The following CWH43 variants were observed in gnomAD, a reference collection of about 807,000 sequenced individuals.
CWH43 encodes the protein cell wall biogenesis 43 C-terminal homolog, also known as PGAP2-interacting protein.
A neutral mutation model predicts 85.7 loss-of-function variants in CWH43; 91 were observed. The observed-to-expected ratio is 1.06, with a 90% confidence interval of 0.90 to 1.26. The LOEUF is 1.26. CWH43 is among the 50% of genes most tolerant of loss of function. The pLI, the probability that CWH43 is intolerant of heterozygous loss-of-function variation, is 0.00. For missense variants in CWH43, 869 were observed against 839.2 expected, an observed-to-expected ratio of 1.04 and a Z score of -0.44; for synonymous variants, 323 against 293.6, an observed-to-expected ratio of 1.10 and a Z score of -1.02.
chr4:48,991,866 T>C, intron 3 of CWH43, 70 bp from the exon 4 acceptor site: 1 of 1,341,186 alleles, frequency 7.5e-7, no homozygotes, highest in Non-Finnish European at 1.0e-6. Flanking sequence ...TCTATGAAAC[T>C]GAAATTCATG....
At chr4:48,998,135 T>C (rs1782872588) in intron 5 of CWH43, among the ~76,000 whole-genome samples, 1 of 152,210 alleles carries the variant, frequency 6.6e-6, no homozygotes, top group African/African-American at 2.4e-5. Flanking sequence ...ACCATTCCAA[T>C]GACCTTTGCT....
At position 49,007,264 on chromosome 4, in the gene CWH43, T is replaced by C; in HGVS notation, c.1124T>C (p.Leu375Pro). ...GGTCCTAAGAAAAACCTTGACTTGCTTCTTCAAACAAAAAACAGTTCTAAA... is the reference window on the plus strand; with the variant it reads ...GGTCCTAAGAAAAACCTTGACTTGCCTCTTCAAACAAAAAACAGTTCTAAA... ...LFGPKKNLDLLLQTKNSSKVL... is the reference protein window; with the variant it reads ...LFGPKKNLDLPLQTKNSSKVL... Residue 375 changes from leucine to proline, a missense_variant, in exon 8 of 16, where the codon CTT becomes CCT. Coordinates refer to ENST00000226432, the MANE Select transcript of CWH43 (RefSeq NM_025087.3). 1 of 1,612,004 alleles carries C rather than the reference T, an allele frequency of 6.2e-7. No homozygotes were observed. Among genetic ancestry groups the C allele is most frequent in the Non-Finnish European group, 8.5e-7 (1 of 1,179,024 alleles).
At chr4:49,027,327 G>C (rs1783948149) in intron 9 of CWH43, among the ~76,000 whole-genome samples, 1 of 152,318 alleles carries the variant, frequency 6.6e-6, no homozygotes, top group South Asian at 2.1e-4. Context: ...TATGTTTTTG[G>C]TTTGAGCAAC....
intron 4 of CWH43, among the ~76,000 whole-genome samples, chr4:48,993,896 A>G (rs954140215): frequency 1.3e-5 from 2 of 151,132 alleles, no homozygotes; most frequent in African/African-American, 4.9e-5. Context: ...CTGGGATTAC[A>G]GGCGTCTGCC....
chr4:49,039,156 C>A (rs1784358643), intron 13 of CWH43, among the ~76,000 whole-genome samples: 2 of 140,290 alleles, frequency 1.4e-5, no homozygotes, highest in African/African-American at 5.2e-5. Flanking sequence ...AAATGCCACA[C>A]AGAGAGAATG....
chr4:49,051,829 T>C (rs1402785967), intron 15 of CWH43, among the ~76,000 whole-genome samples: 2 of 152,126 alleles, frequency 1.3e-5, no homozygotes, highest in African/African-American at 4.8e-5. Context: ...CACCTGCCTC[T>C]GCCTCCCAAA....
chr4:49,018,330 G>A (rs1783626751), intron 9 of CWH43, among the ~76,000 whole-genome samples: 1 of 152,026 alleles, frequency 6.6e-6, no homozygotes, highest in South Asian at 2.1e-4. Context: ...CAACACTAGA[G>A]GTTAAAATTC....
rs1270662255 is a variant in CWH43 at position 48,991,470 on chromosome 4, C to T, written c.252C>T (p.Phe84=). 1 of 1,614,084 alleles carries T rather than the reference C, an allele frequency of 6.2e-7. No individual in the cohort carries two copies. Among genetic ancestry groups the T allele is most frequent in the Admixed American group, 1.7e-5 (1 of 60,016 alleles). The stretch of plus-strand genomic sequence containing the variant: ...TGTTTGTAGGCAGCATAGCCTCCTT[C>T]CAGGCTCCAAATGCCAAACTTCGAC... The part of the protein sequence containing the change: ...RIITIGSIAS[F]QAPNAKLRLM... The change falls in exon 3 of 16, where the codon TTC becomes TTT. Residue 84 remains phenylalanine (F), a synonymous_variant. Coordinates refer to ENST00000226432, the MANE Select transcript of CWH43 (RefSeq NM_025087.3).
At chr4:49,056,427 T>C (rs1328033435) in intron 15 of CWH43, among the ~76,000 whole-genome samples, 2 of 152,152 alleles carry the variant, frequency 1.3e-5, no homozygotes, top group Non-Finnish European at 2.9e-5. Context: ...GGTCCATTTC[T>C]TTCTTTTAGG....
intron 6 of CWH43, among the ~76,000 whole-genome samples, chr4:49,002,800 T>C (rs1043087803): frequency 1.3e-5 from 2 of 152,042 alleles, no homozygotes; most frequent in African/African-American, 2.4e-5. Context: ...GATGGTGCAA[T>C]GGAATGTATT....
rs558880740 is a variant in CWH43, at chr4:49,061,840, T to C, written c.2050T>C (p.Tyr684His). The C allele has an allele frequency of 1.4e-6, 2 of 1,397,454 alleles. No homozygotes were observed. The highest frequency in any genetic ancestry group is 2.9e-5 in the Admixed American group (1 of 34,114). 86.6% of individuals were successfully genotyped at this position (1,397,454 alleles called of 1,614,324 possible). A position where few individuals can be genotyped will look rare whatever the true frequency, so the allele number is the denominator to read the frequency against. The change falls in exon 16 of 16, where the codon TAT becomes CAT. Residue 684 changes from tyrosine (Y) to histidine (H), a missense_variant. Tyr to His is a moderately conservative substitution (Grantham distance 83). Coordinates refer to ENST00000226432, the MANE Select transcript of CWH43 (RefSeq NM_025087.3). ...RFGSYKEGHN[Y>H]ENNHHFHMNT... ...TGGATCCTACAAAGAAGGACACAAT[T>C]ATGAAAACAACCATCATTTTCATAT...
intron 12 of CWH43, 76 bp from the exon 13 acceptor site, chr4:49,037,960 G>A: frequency 7.5e-7 from 1 of 1,328,388 alleles, no homozygotes; most frequent in African/African-American, 1.5e-5. Flanking sequence ...GATAGTCTTT[G>A]GCAACTTAGG....
chr4:49,044,305 C>G (rs1784554500), intron 13 of CWH43, among the ~76,000 whole-genome samples: 3 of 152,164 alleles, frequency 2.0e-5, no homozygotes, highest in African/African-American at 7.2e-5. Context: ...CTGCTCAATG[C>G]CAGGTTTTAT....
chr4:49,041,063 G>T (rs897262661), intron 13 of CWH43, among the ~76,000 whole-genome samples: 1 of 152,052 alleles, frequency 6.6e-6, no homozygotes, highest in African/African-American at 2.4e-5. Context: ...TAAATATGTG[G>T]CATTATTTCT....
In CWH43 at chr4:49,054,814, C is replaced by T. The variant is rs191378550; in HGVS notation, c.2021+3965C>T. On this transcript the variant is annotated intron_variant, in intron 15 of 15. Transcript: ENST00000226432. ...TTTTTCAGATAGTTCATTGGTAGTACATAGAAATGCTACTGATTTTTGTAT... is the reference window on the plus strand; with the variant it reads ...TTTTTCAGATAGTTCATTGGTAGTATATAGAAATGCTACTGATTTTTGTAT... Among the ~76,000 whole-genome samples the T allele has an allele frequency of 1.6e-4, 25 of 151,968 alleles. No homozygotes were observed. In the East Asian group the frequency reaches 4.8e-3, roughly 29 times the overall value.
chr4:49,043,799 G>A (rs1220488558), intron 13 of CWH43, among the ~76,000 whole-genome samples: 43 of 151,530 alleles, frequency 2.8e-4, no homozygotes, highest in Non-Finnish European at 8.8e-5. Context: ...AAGACAAACC[G>A]GAACAGTGCT....
chr4:49,050,401 G>GT (rs1386092058), intron 14 of CWH43, among the ~76,000 whole-genome samples: 1 of 152,194 alleles, frequency 6.6e-6, no homozygotes, highest in African/African-American at 2.4e-5. Flanking sequence ...AAACATGATT[G>GT]TGTGGGAGGC....
Position 49,032,181 on chromosome 4 carries a change from A to G in CWH43, c.1509-385A>G, listed in dbSNP as rs374772308. ...GACAGTTTTTCATTTCTAATTTTGT[A>G]AGTTGTTACTCCATGTTCTAGCTGG... On this transcript the variant is annotated intron_variant, in intron 11 of 15. Transcript: ENST00000226432. Among the ~76,000 whole-genome samples, 4 of 152,266 alleles carry G rather than the reference A, an allele frequency of 2.6e-5. No individual in the cohort carries two copies. In the South Asian group the frequency reaches 8.3e-4, roughly 32 times the overall value.
At chr4:49,021,564 A>G (rs1414019093) in intron 9 of CWH43, among the ~76,000 whole-genome samples, 1 of 151,668 alleles carries the variant, frequency 6.6e-6, no homozygotes, top group Non-Finnish European at 1.5e-5. Context: ...GAATTTTAGG[A>G]TTTTTTTCCA....
Sources: allele counts gnomAD v4.1 joint callset (sites outside exome capture counted in the v4.1 genomes callset), GRCh38; gene constraint gnomAD v4.1.1; transcripts MANE v1.5; gene names NCBI Gene and HGNC (gene_info 2026-07-23, HGNC 2026-07-21).